The following MAPK10 variants were observed in gnomAD, a reference collection of about 807,000 sequenced individuals.
MAPK10 encodes JNK3 alpha protein kinase.
In MAPK10, 25 loss-of-function variants were observed where a neutral mutation model predicts 59.3. That is an observed-to-expected ratio of 0.42 (90% confidence interval 0.31 to 0.59). MAPK10 has a LOEUF of 0.59. Among genes scored for constraint, MAPK10 ranks in the 20% least tolerant of loss-of-function variants. The pLI is 0.15. For missense variants in MAPK10, 351 were observed against 568.9 expected (o/e 0.62, Z 3.90); for synonymous variants, 190 against 200.5 (o/e 0.95, Z 0.44).
At chr4:86,404,789 C>G (rs565853575) in intron 1 of MAPK10, among the ~76,000 whole-genome samples, 2 of 152,238 alleles carry the variant, frequency 1.3e-5, no homozygotes, top group South Asian at 2.1e-4. Context: ...GTCTTGGTTT[C>G]GAATTCTATC....
chr4:86,124,404 C>T (rs1000094898), intron 4 of MAPK10: 1 of 151,764 alleles, frequency 6.6e-6, no homozygotes, highest in African/African-American at 2.4e-5. Context: ...GGCATATTTT[C>T]TTGGCATTTC....
chr4:86,117,157 C>T (rs1348078241), intron 4 of MAPK10, among the ~76,000 whole-genome samples: 1 of 152,264 alleles, frequency 6.6e-6, no homozygotes, highest in South Asian at 2.1e-4. Flanking sequence ...GCCTATTGTC[C>T]CAGCTACCCA....
chr4:86,220,500 C>T (rs1459417515), intron 2 of MAPK10, among the ~76,000 whole-genome samples: 2 of 152,184 alleles, frequency 1.3e-5, no homozygotes, highest in Non-Finnish European at 2.9e-5. Flanking sequence ...CCATAAGCAG[C>T]TCTTCCTTAA....
At chr4:86,094,085 A>G (rs2053762673) in intron 9 of MAPK10, among the ~76,000 whole-genome samples, 1 of 151,968 alleles carries the variant, frequency 6.6e-6, no homozygotes, top group South Asian at 2.1e-4. Flanking sequence ...AAGCACTATT[A>G]TTTCAAAGAG....
intron 1 of MAPK10, among the ~76,000 whole-genome samples, chr4:86,472,356 G>A (rs1752725297): frequency 6.6e-6 from 1 of 152,072 alleles, no homozygotes; most frequent in Admixed American, 6.6e-5. Flanking sequence ...TTATCCATTT[G>A]TGAACATCTA....
Position 86,147,695 on chromosome 4 carries a change from G to T in MAPK10, c.236+11603C>A, listed in dbSNP as rs563547880. Reference sequence around the variant, plus strand: ...CTATTTAATGATTCTTTTAAAATTTGCCATATATCTGTGATATTTATTATC... The same window carrying T: ...CTATTTAATGATTCTTTTAAAATTTTCCATATATCTGTGATATTTATTATC... On this transcript the variant is annotated intron_variant, in intron 4 of 13. Transcript: ENST00000641462. Among the ~76,000 whole-genome samples, 10 of 152,162 alleles carry T rather than the reference G, an allele frequency of 6.6e-5. No homozygotes were observed. In the East Asian group the frequency reaches 1.9e-3, roughly 29 times the overall value.
At chr4:86,388,449 C>T (rs756326307) in intron 1 of MAPK10, among the ~76,000 whole-genome samples, 9 of 152,034 alleles carry the variant, frequency 5.9e-5, no homozygotes, top group Non-Finnish European at 1.2e-4. Context: ...AAGAAGAACC[C>T]AGCAGATACC....
chr4:86,570,744 T>C (rs920937844), intron 1 of MAPK10, among the ~76,000 whole-genome samples: 13 of 152,070 alleles, frequency 8.5e-5, no homozygotes, highest in Admixed American at 4.6e-4. Context: ...ATTAGCTTAG[T>C]AGAATGGTTT....
intron 3 of MAPK10, chr4:86,192,781 G>A (rs561291688): frequency 5.3e-5 from 8 of 151,984 alleles, no homozygotes; most frequent in South Asian, 2.1e-4. Context: ...CTGTCAATTC[G>A]TCAAACTCAT....
chr4:86,409,513 T>C (rs569722439), intron 1 of MAPK10, among the ~76,000 whole-genome samples: 1 of 152,246 alleles, frequency 6.6e-6, no homozygotes, highest in South Asian at 2.1e-4. Flanking sequence ...TTTCATGATA[T>C]TGATTCTTCC....
At chr4:86,047,565 C>A (rs1378515567) in intron 11 of MAPK10, among the ~76,000 whole-genome samples, 1 of 152,154 alleles carries the variant, frequency 6.6e-6, no homozygotes, top group Non-Finnish European at 1.5e-5. Context: ...ATCACTAGCA[C>A]CTTTTAGTGT....
chr4:86,154,473 TAC>T (rs1418004616), intron 4 of MAPK10, among the ~76,000 whole-genome samples: 1 of 152,156 alleles, frequency 6.6e-6, no homozygotes. Context: ...GTATACAATA[TAC>T]ACAGTGTGAT....
chr4:86,252,159 A>G (rs2093475098), intron 2 of MAPK10, among the ~76,000 whole-genome samples: 1 of 125,464 alleles, frequency 8.0e-6, no homozygotes, highest in South Asian at 2.3e-4. Context: ...TTTGCTGTGC[A>G]GAAGTTCTTT....
chr4:86,266,940 A>T (rs2094263872), intron 2 of MAPK10, among the ~76,000 whole-genome samples: 1 of 152,060 alleles, frequency 6.6e-6, no homozygotes, highest in Admixed American at 6.6e-5. Flanking sequence ...TTTTGGTGGT[A>T]TGGATGTGTA....
chr4:86,484,638 A>C (rs17452556), intron 1 of MAPK10, among the ~76,000 whole-genome samples: 34,112 of 152,176 alleles, frequency 0.22, 4,772 homozygotes, highest in Admixed American at 0.31. Context: ...AATGCTACCC[A>C]TTATGATGCT....
intron 13 of MAPK10, among the ~76,000 whole-genome samples, chr4:86,022,819 C>T (rs932191947): frequency 2.0e-5 from 3 of 152,086 alleles, no homozygotes; most frequent in Non-Finnish European, 4.4e-5. Context: ...TGTAAGAGCT[C>T]TTTATATAAT....
intron 9 of MAPK10, among the ~76,000 whole-genome samples, chr4:86,068,624 G>A (rs953549822): frequency 6.6e-6 from 1 of 151,994 alleles, no homozygotes; most frequent in African/African-American, 2.4e-5. Flanking sequence ...TGAAATATAA[G>A]GGTGAACAGA....
intron 1 of MAPK10, among the ~76,000 whole-genome samples, chr4:86,409,725 T>C (rs930429593): frequency 1.3e-5 from 2 of 152,222 alleles, no homozygotes; most frequent in African/African-American, 4.8e-5. Flanking sequence ...TGTATAGGAA[T>C]GCTTGTGATT....
chr4:86,448,164 A>G (rs1321931931), intron 1 of MAPK10, among the ~76,000 whole-genome samples: 1 of 152,190 alleles, frequency 6.6e-6, no homozygotes, highest in African/African-American at 2.4e-5. Flanking sequence ...ACCAATTTTT[A>G]TTTAACCAAC....
Sources: gnomAD v4.1 joint callset for allele counts (sites outside exome capture counted in the v4.1 genomes callset) on GRCh38, gnomAD v4.1.1 for gene constraint, MANE v1.5 for transcripts, NCBI Gene and HGNC (gene_info 2026-07-23, HGNC 2026-07-21) for gene names.